Variants in THBS4 observed in about 807,000 individuals in gnomAD.
THBS4 encodes thrombospondin-4.
In THBS4, 90 loss-of-function variants were observed where a neutral mutation model predicts 115.7. The observed-to-expected ratio is 0.78, with a 90% CI of 0.66 to 0.93. THBS4 has a LOEUF of 0.93. Among genes scored for constraint, THBS4 ranks in the 40% least tolerant of loss-of-function variants. The pLI is 0.00. For missense variants in THBS4, 1,087 were observed against 1,232.7 expected (o/e 0.88, Z 1.77); for synonymous variants, 460 against 479.3 (o/e 0.96, Z 0.53).
At chr5:80,053,505 G>T (rs1833319230) in intron 2 of THBS4, among the ~76,000 whole-genome samples, 1 of 151,558 alleles carries the variant, frequency 6.6e-6, no homozygotes, top group African/African-American at 2.4e-5. Flanking sequence ...TGGGCTGTTG[G>T]GTTTACACAT....
chr5:80,026,271 G>A (rs1338511946), intron 2 of THBS4, among the ~76,000 whole-genome samples: 1 of 152,050 alleles, frequency 6.6e-6, no homozygotes, highest in South Asian at 2.1e-4. Flanking sequence ...TTTCGTTTGC[G>A]GTACTAGGAG....
chr5:80,020,576 C>T (rs2151158206), intron 2 of THBS4, among the ~76,000 whole-genome samples: 1 of 152,306 alleles, frequency 6.6e-6, no homozygotes, highest in South Asian at 2.1e-4. Flanking sequence ...AGTCAGAGGA[C>T]TCCAACTGTA....
rs369409716 is a variant in THBS4, at chr5:80,065,964, G to A, written c.1194+487G>A. Among the ~76,000 whole-genome samples, 8 of 152,072 alleles carry A rather than the reference G, an allele frequency of 5.3e-5. No individual in the cohort carries two copies. In the South Asian group the frequency reaches 6.2e-4, roughly 12 times the overall value. ...AACAAAATTAGCCGGGCCTGGTGGC[G>A]GGTGCCTGTAGTCCCAGCTACTCTG... On this transcript the variant is annotated intron_variant, in intron 9 of 21. Coordinates refer to ENST00000350881, the MANE Select transcript of THBS4 (RefSeq NM_003248.6).
At position 80,079,194 on chromosome 5, in the gene THBS4, C is replaced by T. The variant is rs374930057; in HGVS notation, c.2447C>T (p.Thr816Met). 2.9e-5 allele frequency: 46 copies of T among 1,614,016 alleles called. No individual in the cohort carries two copies. The highest frequency in any genetic ancestry group is 3.4e-5 in the Non-Finnish European group (40 of 1,180,014). ...SSFYVVMWKQ[T>M]EQTYWQATPF... ...TTCTACGTGGTCATGTGGAAGCAGACGGAGCAGACATATTGGCAAGCCACC... is the reference window on the plus strand; with the variant it reads ...TTCTACGTGGTCATGTGGAAGCAGATGGAGCAGACATATTGGCAAGCCACC... The change falls in exon 19 of 22, where the codon ACG (threonine) becomes ATG (methionine). Residue 816 changes from threonine (T) to methionine (M), a missense_variant. Around this residue, in one of 3 missense-constraint regions of THBS4, gnomAD observed 979 missense variants for 1,103.7 expected, o/e 0.89. Transcript: ENST00000350881.
At chr5:80,041,295 C>G (rs1327246703) in intron 2 of THBS4, among the ~76,000 whole-genome samples, 1 of 152,174 alleles carries the variant, frequency 6.6e-6, no homozygotes, top group Non-Finnish European at 1.5e-5. Flanking sequence ...GAGGGCCACA[C>G]CCTCAGGACC....
intron 1 of THBS4, 61 bp from the exon 2 acceptor site, chr5:80,040,016 A>C (rs556334583): frequency 1.3e-6 from 2 of 1,491,404 alleles, no homozygotes; most frequent in African/African-American, 1.4e-5. Flanking sequence ...CAAACAAAGA[A>C]ACCCTGTTTT....
chr5:80,002,339 G>A (rs1460166987), intron 2 of THBS4, among the ~76,000 whole-genome samples: 2 of 152,066 alleles, frequency 1.3e-5, no homozygotes, highest in Non-Finnish European at 2.9e-5. Context: ...GTTTCTCCTA[G>A]CCCTAGCATT....
intron 1 of THBS4, among the ~76,000 whole-genome samples, chr5:80,038,387 TA>T (rs1832784637): frequency 6.6e-6 from 1 of 152,202 alleles, no homozygotes; most frequent in Admixed American, 6.5e-5. Flanking sequence ...AGCTACATTT[TA>T]AAAATAGGTA....
chr5:80,045,941 A>G (rs1388618457), intron 2 of THBS4, among the ~76,000 whole-genome samples: 2 of 152,234 alleles, frequency 1.3e-5, no homozygotes, highest in Non-Finnish European at 2.9e-5. Flanking sequence ...TTAATTTTAA[A>G]GTGGTCATGT....
In THBS4 at chr5:80,076,943, G is replaced by A. The variant is rs747007490; in HGVS notation, c.1981G>A (p.Asp661Asn). Residue 661 changes from aspartate (D) to asparagine (N), a missense_variant, in exon 16 of 22, where the codon GAC (aspartate) becomes AAC (asparagine). Around this residue, in one of 3 missense-constraint regions of THBS4, gnomAD observed 979 missense variants for 1,103.7 expected, o/e 0.89. Transcript: ENST00000350881. ...GGACACCGATAAGGATGGAATTGGT[G>A]ACGAGTGTGATGATGATGATGACAA... ...QLDTDKDGIG[D>N]ECDDDDDNDG... 1.9e-5 allele frequency: 30 copies of A among 1,613,842 alleles called. No individual in the cohort carries two copies. Among genetic ancestry groups the A allele is most frequent in the Non-Finnish European group, 2.4e-5 (28 of 1,179,954 alleles).
chr5:80,014,318 G>A (rs1832205774), intron 2 of THBS4, among the ~76,000 whole-genome samples: 1 of 152,216 alleles, frequency 6.6e-6, no homozygotes, highest in South Asian at 2.1e-4. Flanking sequence ...ATGGTCTTCA[G>A]GTGATGTGCC....
Position 80,058,288 on chromosome 5 carries a change from G to A in THBS4, c.623G>A (p.Ser208Asn). Residue 208 changes from serine to asparagine, a missense_variant, in exon 4 of 22, where the codon AGT becomes AAT. Around this residue, in one of 3 missense-constraint regions of THBS4, gnomAD observed 979 missense variants for 1,103.7 expected, o/e 0.89. Transcript: ENST00000350881. ...ASLQDCFLQQ[S>N]EPLAATGTGD... Reference sequence around the variant, plus strand: ...CTGCAAGACTGCTTCCTGCAGCAGAGTGAGCCACTGGCTGCCACAGGCACA... The same window carrying A: ...CTGCAAGACTGCTTCCTGCAGCAGAATGAGCCACTGGCTGCCACAGGCACA... The A allele has an allele frequency of 1.9e-6, 3 of 1,566,718 alleles. No individual in the cohort carries two copies. In the South Asian group the frequency reaches 3.5e-5, roughly 18 times the overall value.
chr5:80,049,405 G>A (rs1006500380), intron 2 of THBS4, among the ~76,000 whole-genome samples: 3 of 152,082 alleles, frequency 2.0e-5, no homozygotes, highest in Admixed American at 6.6e-5. Context: ...GCGCCACCAC[G>A]CCCACCTAAT....
chr5:80,067,793 T>C (rs1019191085), intron 9 of THBS4, 180 bp from the exon 10 acceptor site: 1 of 627,262 alleles, frequency 1.6e-6, no homozygotes, highest in Non-Finnish European at 2.7e-6. Context: ...TCCAGTCTGA[T>C]GGTGTTTTCA....
chr5:80,078,920 GGGCAT>G lies in THBS4; in HGVS notation c.2268_2272del (p.Met757AspfsTer8). Reference sequence around the variant, plus strand: ...CTGAACTCCCTCAACTCTCTCTGCAGGGCATGGAGATTGTACAGACCATGAACAGT... The same window carrying G: ...CTGAACTCCCTCAACTCTCTCTGCAGGGAGATTGTACAGACCATGAACAGT... On this transcript the variant is annotated frameshift_variant and splice_region_variant, in exon 18 of 22. Transcript: ENST00000350881. LOFTEE classifies it high-confidence loss of function. The G allele has an allele frequency of 6.2e-7, 1 of 1,613,858 alleles. No individual in the cohort carries two copies. Among genetic ancestry groups the G allele is most frequent in the Non-Finnish European group, 8.5e-7 (1 of 1,179,796 alleles).
intron 21 of THBS4, 148 bp from the exon 22 acceptor site, chr5:80,082,932 C>A: frequency 2.7e-6 from 2 of 740,980 alleles, no homozygotes; most frequent in African/African-American, 1.8e-5. Context: ...TGCAAAGCAG[C>A]CTGCAGGAGA....
chr5:80,020,755 G>A (rs1023417952), intron 2 of THBS4, among the ~76,000 whole-genome samples: 1 of 152,114 alleles, frequency 6.6e-6, no homozygotes. Flanking sequence ...TCTCGGGCAC[G>A]TTGCCTGTCT....
intron 1 of THBS4, among the ~76,000 whole-genome samples, chr5:79,995,432 G>C (rs1165852770): frequency 1.3e-5 from 2 of 152,098 alleles, no homozygotes; most frequent in Non-Finnish European, 2.9e-5. Flanking sequence ...TGGAGAAAAG[G>C]GTATAAACGA....
intron 2 of THBS4, among the ~76,000 whole-genome samples, chr5:80,016,746 T>C (rs1402318019): frequency 1.3e-5 from 2 of 152,224 alleles, no homozygotes; most frequent in African/African-American, 4.8e-5. Context: ...CCTGTCCTGT[T>C]AGTGATTTGC....
Sources: allele counts gnomAD v4.1 joint callset (sites outside exome capture counted in the v4.1 genomes callset), GRCh38; gene constraint gnomAD v4.1.1; regional missense constraint gnomAD v4.1.1; transcripts MANE v1.5; gene names NCBI Gene and HGNC (gene_info 2026-07-23, HGNC 2026-07-21).